Variants in ELL observed in about 807,000 individuals in gnomAD.
ELL encodes the protein elongation factor for RNA polymerase II, also known as RNA polymerase II elongation factor ELL.
A neutral mutation model predicts 64.0 loss-of-function variants in ELL; 18 were observed. That is an observed-to-expected ratio of 0.28 (90% CI 0.19 to 0.42). The LOEUF (loss-of-function observed/expected upper bound fraction) is 0.42, where lower values mean the gene tolerates loss of function less well. Among genes scored for constraint, ELL ranks in the 10% least tolerant of loss-of-function variants. ELL has a pLI of 1.00. For missense variants in ELL, 797 were observed against 870.4 expected, an observed-to-expected ratio of 0.92 and a Z score of 1.06; for synonymous variants, 399 against 376.2, an observed-to-expected ratio of 1.06 and a Z score of -0.70.
intron 1 of ELL, among the ~76,000 whole-genome samples, chr19:18,483,018 C>A (rs556366057): frequency 6.6e-6 from 1 of 151,996 alleles, no homozygotes; most frequent in Non-Finnish European, 1.5e-5. Flanking sequence ...TGGGCTCAAG[C>A]GATCCTCTCA....
chr19:18,506,723 G>GA (rs1367890836), intron 1 of ELL, among the ~76,000 whole-genome samples: 3 of 152,118 alleles, frequency 2.0e-5, no homozygotes, highest in Non-Finnish European at 4.4e-5. Flanking sequence ...GACCTCGTCT[G>GA]AAAAAACAAA....
chr19:18,459,120 C>T (rs2144909361), intron 5 of ELL, among the ~76,000 whole-genome samples: 1 of 152,312 alleles, frequency 6.6e-6, no homozygotes, highest in East Asian at 1.9e-4. Context: ...CCTCAAGGAT[C>T]CTCCCACCTC....
intron 2 of ELL, among the ~76,000 whole-genome samples, chr19:18,466,312 A>C (rs1453688555): frequency 1.3e-5 from 2 of 152,150 alleles, no homozygotes; most frequent in East Asian, 3.8e-4. Context: ...GGCCTGCGAC[A>C]CCCTATGAGG....
chr19:18,505,679 C>T (rs1198878545), intron 1 of ELL, among the ~76,000 whole-genome samples: 1 of 152,174 alleles, frequency 6.6e-6, no homozygotes, highest in African/African-American at 2.4e-5. Flanking sequence ...CAGGCACACA[C>T]AGGGGAGGGG....
chr19:18,470,404 A>G (rs564940869), intron 2 of ELL, among the ~76,000 whole-genome samples: 1 of 152,366 alleles, frequency 6.6e-6, no homozygotes, highest in East Asian at 1.9e-4. Flanking sequence ...CAGAAGGCAC[A>G]GAGTGACTGC....
chr19:18,473,003 G>A (rs1975097733), intron 1 of ELL, 121 bp from the exon 2 acceptor site: 2 of 1,230,522 alleles, frequency 1.6e-6, no homozygotes, highest in Admixed American at 2.7e-5. Flanking sequence ...CTCAGGAGAG[G>A]GGAAAGGAAA....
intron 1 of ELL, among the ~76,000 whole-genome samples, chr19:18,507,559 C>T (rs951756644): frequency 6.6e-6 from 1 of 152,242 alleles, no homozygotes; most frequent in African/African-American, 2.4e-5. Context: ...CCATGTCCAC[C>T]ACCACTGCAC....
In ELL at chr19:18,516,561, G is replaced by A. The variant is rs371345395; in HGVS notation, c.135+5360C>T. Among the ~76,000 whole-genome samples the A allele has an allele frequency of 4.3e-4, 65 of 152,048 alleles. 1 individual carries two copies. In the South Asian group the frequency reaches 0.013, roughly 30 times the overall value. The stretch of plus-strand genomic sequence containing the variant: ...CATCTCAATCACTGGTGGGTATCCC[G>A]CCCTGAGCCATGGGCACTGACCAGA... On this transcript the variant is annotated intron_variant, in intron 1 of 11. Coordinates refer to ENST00000262809, the MANE Select transcript of ELL (RefSeq NM_006532.4).
At chr19:18,505,679 C>A (rs1198878545) in intron 1 of ELL, among the ~76,000 whole-genome samples, 7 of 152,174 alleles carry the variant, frequency 4.6e-5, no homozygotes, top group Non-Finnish European at 1.0e-4. Flanking sequence ...CAGGCACACA[C>A]AGGGGAGGGG....
intron 10 of ELL, among the ~76,000 whole-genome samples, chr19:18,445,646 TC>T (rs1974398307): frequency 6.6e-6 from 1 of 152,076 alleles, no homozygotes; most frequent in Admixed American, 6.5e-5. Context: ...TCATGAGTCG[TC>T]GTCTTTGGAA....
At chr19:18,485,740 C>A (rs1975398900) in intron 1 of ELL, among the ~76,000 whole-genome samples, 2 of 152,120 alleles carry the variant, frequency 1.3e-5, no homozygotes, top group Admixed American at 1.3e-4. Flanking sequence ...GTAATCCCAG[C>A]ACTTTGAGAG....
chr19:18,473,669 G>T (rs985933244), intron 1 of ELL, among the ~76,000 whole-genome samples: 13 of 152,204 alleles, frequency 8.5e-5, no homozygotes, highest in African/African-American at 3.1e-4. Flanking sequence ...AAAGAACTGC[G>T]AGCCAGAGGA....
rs1974422659 is a variant in ELL, at chr19:18,446,601, G to A, written c.1533-121C>T. The A allele has an allele frequency of 1.7e-5, 25 of 1,493,800 alleles. 1 individual carries two copies. In the South Asian group the frequency reaches 2.7e-4, roughly 16 times the overall value. The allele number at this position is 1,493,800 out of a possible 1,614,324, so 92.5% of individuals were successfully genotyped here. A position where few individuals can be genotyped will look rare whatever the true frequency, so the allele number is the denominator to read the frequency against. On this transcript the variant is annotated intron_variant, in intron 9 of 11. Transcript: ENST00000262809. Reference sequence around the variant, plus strand: ...CGGGTGATTCCCTGGATTATGAGGGGGCCTGGCCCAGAAGAGGCTGCTATG... The same window carrying A: ...CGGGTGATTCCCTGGATTATGAGGGAGCCTGGCCCAGAAGAGGCTGCTATG...
intron 1 of ELL, among the ~76,000 whole-genome samples, chr19:18,485,264 T>C (rs1205639382): frequency 6.6e-6 from 1 of 152,058 alleles, no homozygotes; most frequent in Non-Finnish European, 1.5e-5. Context: ...CAGGCCTCCA[T>C]CTCAACTCCC....
chr19:18,461,917 TGACCA>T, intron 4 of ELL, 65 bp from the exon 5 acceptor site: 1 of 1,555,118 alleles, frequency 6.4e-7, no homozygotes, highest in Non-Finnish European at 8.7e-7. Flanking sequence ...CCAGTGCTGC[TGACCA>T]GGTGCCCAGA....
chr19:18,465,323 G>C (rs909432708), intron 4 of ELL, 89 bp downstream of exon 4: 4 of 1,486,006 alleles, frequency 2.7e-6, no homozygotes, highest in Non-Finnish European at 3.6e-6. Context: ...GCAGGGCACA[G>C]CCAGTGCCCA....
intron 1 of ELL, among the ~76,000 whole-genome samples, chr19:18,485,227 G>A (rs1183287462): frequency 6.6e-6 from 1 of 152,110 alleles, no homozygotes; most frequent in Non-Finnish European, 1.5e-5. Context: ...GCGGCCCATG[G>A]GCTCTCCTCT....
intron 2 of ELL, among the ~76,000 whole-genome samples, chr19:18,470,713 A>G (rs932933267): frequency 1.3e-5 from 2 of 151,906 alleles, no homozygotes; most frequent in Admixed American, 6.6e-5. Flanking sequence ...AAAGGAGATG[A>G]CCCTCGATGG....
At position 18,473,810 on chromosome 19, in the gene ELL, T is replaced by C. The variant is rs79016860; in HGVS notation, c.136-928A>G. Among the ~76,000 whole-genome samples, 803 of 149,508 alleles carry C rather than the reference T, an allele frequency of 5.4e-3. 5 individuals are homozygous for C. Among genetic ancestry groups the C allele is most frequent in the African/African-American group, 0.019 (772 of 40,938 alleles). ...GATTCTTGGTCCCCAAACCCACCCCTGCACCACCTGGCCCCACTGCCCCAC... is the reference window on the plus strand; with the variant it reads ...GATTCTTGGTCCCCAAACCCACCCCCGCACCACCTGGCCCCACTGCCCCAC... On this transcript the variant is annotated intron_variant, in intron 1 of 11. Transcript: ENST00000262809.
Sources: allele counts gnomAD v4.1 joint callset (sites outside exome capture counted in the v4.1 genomes callset), GRCh38; gene constraint gnomAD v4.1.1; transcripts MANE v1.5; gene names NCBI Gene and HGNC (gene_info 2026-07-23, HGNC 2026-07-21).